Variants in KANK1 observed in about 807,000 individuals in gnomAD.
KANK1 encodes the protein KN motif and ankyrin repeat domain-containing protein 1.
Under a neutral mutation model 106.2 loss-of-function variants are expected in KANK1, and 109 were observed. The observed-to-expected ratio is 1.03, with a 90% CI of 0.88 to 1.20. KANK1 has a LOEUF of 1.20. Among genes scored for constraint, KANK1 ranks in the 50% most tolerant of loss-of-function variants. The probability of loss-of-function intolerance (pLI) is 0.00; values close to 1 mark genes in which losing one functional copy is unlikely to be tolerated. For missense variants in KANK1, 2,399 were observed against 1,710.7 expected (o/e 1.40, Z -7.10); for synonymous variants, 873 against 652.2 (o/e 1.34, Z -5.16).
At chr9:557,048 T>A (rs889830112) in intron 1 of KANK1, among the ~76,000 whole-genome samples, 8 of 152,162 alleles carry the variant, frequency 5.3e-5, no homozygotes, top group African/African-American at 1.9e-4. Flanking sequence ...GCGAGTGTAG[T>A]GGCTCATGCC....
chr9:519,600 T>C (rs1263583176), intron 1 of KANK1, among the ~76,000 whole-genome samples: 1 of 151,802 alleles, frequency 6.6e-6, no homozygotes, highest in Non-Finnish European at 1.5e-5. Flanking sequence ...GAACCTGGAC[T>C]TTTTGGAATG....
At chr9:562,105 T>C (rs1316170201) in intron 1 of KANK1, among the ~76,000 whole-genome samples, 4 of 135,054 alleles carry the variant, frequency 3.0e-5, no homozygotes, top group Non-Finnish European at 4.6e-5. Context: ...GACTGCGGAC[T>C]GCAGTGGCGC....
At chr9:724,526 G>A (rs1018269421) in intron 3 of KANK1, among the ~76,000 whole-genome samples, 13 of 151,932 alleles carry the variant, frequency 8.6e-5, no homozygotes, top group Non-Finnish European at 1.3e-4. Context: ...GGCCAGGCAC[G>A]GTGGCTCACA....
At chr9:582,544 C>G (rs2135337632) in intron 1 of KANK1, among the ~76,000 whole-genome samples, 1 of 152,278 alleles carries the variant, frequency 6.6e-6, no homozygotes, top group Admixed American at 6.5e-5. Flanking sequence ...TGACTACAAC[C>G]AGTTTAGATG....
chr9:569,367 G>GAATGGATTAATCCATTCATGGATT (rs1228720757), intron 1 of KANK1, among the ~76,000 whole-genome samples: 3 of 152,082 alleles, frequency 2.0e-5, no homozygotes, highest in Non-Finnish European at 4.4e-5. Context: ...CTGCCCTCAT[G>GAATGGATTAATCCATTCATGGATT]AATGGATTAA....
At chr9:600,886 A>C (rs1173530306) in intron 1 of KANK1, among the ~76,000 whole-genome samples, 1 of 151,812 alleles carries the variant, frequency 6.6e-6, no homozygotes, top group Non-Finnish European at 1.5e-5. Flanking sequence ...GGGATAACTG[A>C]AAAGTTTAGT....
Position 742,393 on chromosome 9 carries a change from C to A in KANK1, c.3885C>A (p.His1295Gln). The A allele has an allele frequency of 6.2e-7, 1 of 1,613,136 alleles. No individual in the cohort carries two copies. Among genetic ancestry groups the A allele is most frequent in the Non-Finnish European group, 8.5e-7 (1 of 1,179,528 alleles). The change falls in exon 10 of 12, where the codon CAC (histidine) becomes CAA (glutamine). Residue 1295 changes from histidine to glutamine, a missense_variant. By Grantham distance (24) the His-to-Gln change is conservative. Coordinates refer to ENST00000382297, the MANE Select transcript of KANK1 (RefSeq NM_015158.5). ...LLLAQPGCNG[H>Q]LEDNDGSTAL... The stretch of plus-strand genomic sequence containing the variant: ...TGGCCCAGCCCGGCTGCAACGGTCA[C>A]CTAGAGGACAACGTAAGCTGTCTCC...
intron 1 of KANK1, among the ~76,000 whole-genome samples, chr9:570,685 A>G (rs185746132): frequency 6.6e-6 from 1 of 152,342 alleles, no homozygotes; most frequent in Non-Finnish European, 1.5e-5. Context: ...ATTGTCATCT[A>G]TACCAAGCCT....
At chr9:674,049 G>C (rs551328643) in intron 1 of KANK1, 4 of 152,076 alleles carry the variant, frequency 2.6e-5, no homozygotes, top group African/African-American at 9.6e-5. Context: ...TGTCAGAAAT[G>C]TATAGACATT....
intron 7 of KANK1, among the ~76,000 whole-genome samples, chr9:736,244 C>G (rs1378297167): frequency 1.3e-5 from 2 of 152,128 alleles, no homozygotes; most frequent in Non-Finnish European, 2.9e-5. Flanking sequence ...CAGGCATGAC[C>G]CACCGCGCCT....
intron 1 of KANK1, among the ~76,000 whole-genome samples, chr9:654,192 A>G (rs945290410): frequency 6.6e-6 from 1 of 152,208 alleles, no homozygotes; most frequent in African/African-American, 2.4e-5. Flanking sequence ...TCTCTGATTC[A>G]GTAGCCCGTT....
intron 1 of KANK1, among the ~76,000 whole-genome samples, chr9:521,508 G>A (rs978311829): frequency 1.3e-5 from 2 of 150,032 alleles, no homozygotes; most frequent in Non-Finnish European, 3.0e-5. Flanking sequence ...GTTCATTCAT[G>A]AAATTTCATC....
chr9:609,079 A>C (rs1409034009), intron 1 of KANK1, among the ~76,000 whole-genome samples: 2 of 152,030 alleles, frequency 1.3e-5, no homozygotes, highest in African/African-American at 4.8e-5. Flanking sequence ...ACTCAAAGGG[A>C]AGAAGACTTG....
At chr9:629,252 G>C (rs79414785) in intron 1 of KANK1, among the ~76,000 whole-genome samples, 3 of 152,034 alleles carry the variant, frequency 2.0e-5, no homozygotes, top group Non-Finnish European at 4.4e-5. Context: ...AGCACCAGGG[G>C]AGTAAGCCAT....
intron 1 of KANK1, among the ~76,000 whole-genome samples, chr9:524,982 CT>C (rs35377139): frequency 7.6e-3 from 699 of 91,930 alleles, no homozygotes; most frequent in Middle Eastern, 0.015. Flanking sequence ...CTCTTGCTGC[CT>C]TTTTTTTTTT....
intron 1 of KANK1, among the ~76,000 whole-genome samples, chr9:518,023 C>T (rs1270080037): frequency 2.6e-5 from 4 of 151,600 alleles, no homozygotes; most frequent in Non-Finnish European, 4.4e-5. Context: ...CAGGCATGAG[C>T]CACCTTGCCC....
chr9:671,623 A>AAAAAAAAAAAAAAAAG (rs79437342), intron 1 of KANK1, among the ~76,000 whole-genome samples: 13 of 103,624 alleles, frequency 1.3e-4, no homozygotes, highest in African/African-American at 4.9e-4. Context: ...CTCAAAAAAA[A>AAAAAAAAAAAAAAAAG]AAAAGAGTGT....
intron 1 of KANK1, among the ~76,000 whole-genome samples, chr9:505,024 G>T (rs1252310470): frequency 6.6e-6 from 1 of 151,746 alleles, no homozygotes; most frequent in Admixed American, 6.6e-5. Flanking sequence ...CTCTGCAGCG[G>T]CGGCGCTCGG....
At chr9:558,400 G>A (rs1815443789) in intron 1 of KANK1, among the ~76,000 whole-genome samples, 1 of 152,212 alleles carries the variant, frequency 6.6e-6, no homozygotes, top group Non-Finnish European at 1.5e-5. Context: ...TTAGATTCCT[G>A]TGAGCCTCTG....
Sources: gnomAD v4.1 joint callset for allele counts (sites outside exome capture counted in the v4.1 genomes callset) on GRCh38, gnomAD v4.1.1 for gene constraint, MANE v1.5 for transcripts, NCBI Gene and HGNC (gene_info 2026-07-23, HGNC 2026-07-21) for gene names.